The following EHBP1 variants were observed in gnomAD, a reference collection of about 807,000 sequenced individuals.
EHBP1 encodes the protein EH domain binding protein 1.
EHBP1 carries 55 observed loss-of-function variants against 144.0 expected under a neutral mutation model. The observed-to-expected ratio is 0.38, with a 90% CI of 0.31 to 0.48. The LOEUF (loss-of-function observed/expected upper bound fraction) is 0.48. Ranked by LOEUF, EHBP1 falls within the 20% of genes least tolerant of loss-of-function variation. The probability of loss-of-function intolerance (pLI) is 0.98; values close to 1 mark genes in which losing one functional copy is unlikely to be tolerated. For missense variants in EHBP1, 1,200 were observed against 1,364.2 expected (o/e 0.88, Z 1.90); for synonymous variants, 469 against 472.7 (o/e 0.99, Z 0.10).
intron 7 of EHBP1, among the ~76,000 whole-genome samples, chr2:62,835,440 A>G (rs1192959141): frequency 1.3e-5 from 2 of 152,254 alleles, no homozygotes; most frequent in East Asian, 3.8e-4. Flanking sequence ...CAAAGAAATG[A>G]GTAAACTTTT....
intron 15 of EHBP1, among the ~76,000 whole-genome samples, chr2:62,989,139 A>G (rs896669023): frequency 6.6e-6 from 1 of 152,130 alleles, no homozygotes; most frequent in Non-Finnish European, 1.5e-5. Flanking sequence ...GTTTAACCCA[A>G]AATTAGAACT....
intron 2 of EHBP1, among the ~76,000 whole-genome samples, chr2:62,716,331 A>G (rs1420162480): frequency 6.6e-6 from 1 of 152,146 alleles, no homozygotes; most frequent in Non-Finnish European, 1.5e-5. Context: ...CTCCCTGCTA[A>G]TCTTAGGACC....
chr2:62,901,475 A>G (rs1205403015), intron 10 of EHBP1, among the ~76,000 whole-genome samples: 2 of 152,164 alleles, frequency 1.3e-5, no homozygotes, highest in African/African-American at 4.8e-5. Context: ...CGTTTAAAAA[A>G]GTTGAATACG....
At chr2:62,826,882 G>A (rs149227750) in intron 6 of EHBP1, among the ~76,000 whole-genome samples, 5 of 152,168 alleles carry the variant, frequency 3.3e-5, no homozygotes, top group African/African-American at 1.2e-4. Flanking sequence ...TACAAAGCGG[G>A]GAAAAAAGTA....
intron 10 of EHBP1, among the ~76,000 whole-genome samples, chr2:62,906,005 A>G (rs966199493): frequency 1.6e-4 from 24 of 147,982 alleles, no homozygotes; most frequent in Non-Finnish European, 4.6e-5. Flanking sequence ...TTGACGTTGT[A>G]TATAAAAAAA....
intron 3 of EHBP1, among the ~76,000 whole-genome samples, chr2:62,747,734 G>A (rs1036798054): frequency 1.3e-5 from 2 of 151,730 alleles, no homozygotes; most frequent in South Asian, 2.1e-4. Context: ...AAGTAATTGC[G>A]GTTTTGCCTT....
At chr2:62,806,575 C>T (rs1352320074) in intron 5 of EHBP1, among the ~76,000 whole-genome samples, 3 of 152,068 alleles carry the variant, frequency 2.0e-5, no homozygotes, top group African/African-American at 7.2e-5. Context: ...TATTGCCTAG[C>T]TGATCTTGAA....
intron 5 of EHBP1, among the ~76,000 whole-genome samples, chr2:62,808,536 CTATT>C (rs1292470682): frequency 6.6e-6 from 1 of 152,140 alleles, no homozygotes; most frequent in Non-Finnish European, 1.5e-5. Flanking sequence ...TCTGCTTTAT[CTATT>C]AGAGCCCTTA....
chr2:62,698,790 C>T (rs1370796818), intron 1 of EHBP1, among the ~76,000 whole-genome samples: 2 of 152,174 alleles, frequency 1.3e-5, no homozygotes, highest in East Asian at 1.9e-4. Flanking sequence ...ATTGCCCTTG[C>T]CCTGGAATTT....
chr2:62,993,318 C>T lies in EHBP1; in HGVS notation c.2734-212C>T, dbSNP rs371843676. Among the ~76,000 whole-genome samples, 3 of 152,132 alleles carry T rather than the reference C, an allele frequency of 2.0e-5. No individual in the cohort carries two copies. In the East Asian group the frequency reaches 5.8e-4, roughly 29 times the overall value. On this transcript the variant is annotated intron_variant, in intron 16 of 22. Transcript: ENST00000431489. The stretch of plus-strand genomic sequence containing the variant: ...TCACTGGTGGAAGACACATTCGTAT[C>T]AAAGTTATCAAGAGTTAAACCATGT...
intron 14 of EHBP1, among the ~76,000 whole-genome samples, chr2:62,958,832 G>T (rs137953646): frequency 6.6e-6 from 1 of 152,248 alleles, no homozygotes; most frequent in Non-Finnish European, 1.5e-5. Context: ...ATATAAAAGA[G>T]TAAATAAATG....
At chr2:62,676,905 G>A (rs1351014044) in intron 1 of EHBP1, among the ~76,000 whole-genome samples, 4 of 152,140 alleles carry the variant, frequency 2.6e-5, no homozygotes, top group Non-Finnish European at 5.9e-5. Context: ...CAGGTGTGAT[G>A]CATCATGCCT....
Position 63,028,841 on chromosome 2 carries a change from G to T in EHBP1, c.3104-8694G>T, listed in dbSNP as rs187434478. 3.1e-3 allele frequency among the ~76,000 whole-genome samples: 477 copies of T among 152,246 alleles called. 2 individuals carry two copies. Among genetic ancestry groups the T allele is most frequent in the Non-Finnish European group, 5.0e-3 (339 of 68,004 alleles). ...AATTTCATAAGCTGATTTTAAAGGTGCTGTGCTTTTAACACCAAAATATCT... is the reference window on the plus strand; with the variant it reads ...AATTTCATAAGCTGATTTTAAAGGTTCTGTGCTTTTAACACCAAAATATCT... On this transcript the variant is annotated intron_variant, in intron 19 of 22. Coordinates refer to ENST00000431489, the MANE Select transcript of EHBP1 (RefSeq NM_001142616.3).
chr2:62,804,548 A>G (rs954836872), intron 5 of EHBP1, among the ~76,000 whole-genome samples: 1 of 152,262 alleles, frequency 6.6e-6, no homozygotes, highest in African/African-American at 2.4e-5. Context: ...AGAAATCACA[A>G]AGGAAAATAT....
chr2:62,805,468 C>CTTTTTTTTTTTTTTTTTTTT (rs199557281), intron 5 of EHBP1, among the ~76,000 whole-genome samples: 1 of 123,798 alleles, frequency 8.1e-6, no homozygotes, highest in Non-Finnish European at 1.7e-5. Flanking sequence ...TTTGTATTTT[C>CTTTTTTTTTTTTTTTTTTTT]TTTTTTTTTT....
intron 14 of EHBP1, among the ~76,000 whole-genome samples, chr2:62,977,632 A>G (rs1033367334): frequency 6.6e-6 from 1 of 152,148 alleles, no homozygotes; most frequent in African/African-American, 2.4e-5. Context: ...TAAATAGTAT[A>G]TAGTATATTC....
intron 15 of EHBP1, among the ~76,000 whole-genome samples, chr2:62,989,007 C>A (rs1426875649): frequency 6.6e-6 from 1 of 152,072 alleles, no homozygotes; most frequent in Non-Finnish European, 1.5e-5. Context: ...AAAACTCATG[C>A]CCTTTTGTCA....
At chr2:62,907,008 G>A (rs1337994987) in intron 10 of EHBP1, among the ~76,000 whole-genome samples, 5 of 152,116 alleles carry the variant, frequency 3.3e-5, no homozygotes, top group African/African-American at 4.8e-5. Flanking sequence ...AGTATTTCAC[G>A]ATATGGTTAT....
rs770299677 is a variant in EHBP1, at chr2:62,826,212, A to G, written c.438A>G (p.Val146=). Residue 146 remains valine (V), a synonymous_variant, in exon 6 of 23, where the codon GTA becomes GTG. Transcript: ENST00000431489. ...LKFKPLSKKV[V]SAALQFSLSC... ...TCAAGCCATTATCTAAAAAAGTTGTATCTGCCGCTCTTCAGTTTTCATTAT... is the reference window on the plus strand; with the variant it reads ...TCAAGCCATTATCTAAAAAAGTTGTGTCTGCCGCTCTTCAGTTTTCATTAT... 25 of 1,609,696 alleles carry G rather than the reference A, an allele frequency of 1.6e-5. No individual in the cohort carries two copies. In the East Asian group the frequency reaches 4.9e-4, roughly 32 times the overall value.
Sources: gnomAD v4.1 joint callset for allele counts (sites outside exome capture counted in the v4.1 genomes callset) on GRCh38, gnomAD v4.1.1 for gene constraint, MANE v1.5 for transcripts, NCBI Gene and HGNC (gene_info 2026-07-23, HGNC 2026-07-21) for gene names.